The following SMC5 variants were observed in gnomAD, a reference collection of about 807,000 sequenced individuals.
SMC5 encodes structural maintenance of chromosomes protein 5.
Under a neutral mutation model 148.3 loss-of-function variants are expected in SMC5, and 88 were observed. The observed-to-expected ratio is 0.59, with a 90% CI of 0.50 to 0.71. The LOEUF (loss-of-function observed/expected upper bound fraction) is 0.71. SMC5 is among the 30% of genes least tolerant of loss of function. The pLI is 0.00. For missense variants in SMC5, 1,142 were observed against 1,298.9 expected (o/e 0.88, Z 1.86); for synonymous variants, 421 against 432.8 (o/e 0.97, Z 0.34).
chr9:70,333,531 G>A (rs1250554752), intron 17 of SMC5, among the ~76,000 whole-genome samples: 1 of 151,936 alleles, frequency 6.6e-6, no homozygotes, highest in Non-Finnish European at 1.5e-5. Context: ...AGGAGTTTGA[G>A]ATCAGCCTGG....
At chr9:70,344,694 G>T (rs923009618) in intron 18 of SMC5, 1 of 151,916 alleles carries the variant, frequency 6.6e-6, no homozygotes, top group Non-Finnish European at 1.5e-5. Flanking sequence ...GAAAAAAGAG[G>T]TCTTATTTCC....
In SMC5 at chr9:70,288,851, G is replaced by T. The variant is rs186582650; in HGVS notation, c.1053+2580G>T. On this transcript the variant is annotated intron_variant, in intron 8 of 24. Coordinates refer to ENST00000361138, the MANE Select transcript of SMC5 (RefSeq NM_015110.4). The stretch of plus-strand genomic sequence containing the variant: ...AAAGAATTTTTTGAGACTTTTTTTT[G>T]GCTTTTATTGTGTGTTTGATTTTTG... Among the ~76,000 whole-genome samples, 5 of 151,388 alleles carry T rather than the reference G, an allele frequency of 3.3e-5. No homozygotes were observed. The East Asian group carries it at 9.7e-4, about 29-fold the overall frequency.
chr9:70,336,702 G>C (rs905527555), intron 17 of SMC5, among the ~76,000 whole-genome samples: 2 of 152,164 alleles, frequency 1.3e-5, no homozygotes, highest in Non-Finnish European at 2.9e-5. Flanking sequence ...TTACTTCATT[G>C]ATTGAGCTTA....
chr9:70,300,716 A>G (rs1248741044), intron 10 of SMC5, among the ~76,000 whole-genome samples: 1 of 152,162 alleles, frequency 6.6e-6, no homozygotes, highest in Non-Finnish European at 1.5e-5. Flanking sequence ...AGGTGAAGCT[A>G]TATTTAATAA....
intron 2 of SMC5, among the ~76,000 whole-genome samples, chr9:70,267,494 A>G (rs569505841): frequency 3.9e-5 from 6 of 152,310 alleles, no homozygotes; most frequent in African/African-American, 1.4e-4. Context: ...GACTGTAGGA[A>G]GTCTTCAATG....
intron 12 of SMC5, among the ~76,000 whole-genome samples, chr9:70,315,146 G>A (rs2035761919): frequency 6.6e-6 from 1 of 151,852 alleles, no homozygotes; most frequent in African/African-American, 2.4e-5. Flanking sequence ...AGGACTAAAT[G>A]TAAAAAATGT....
intron 3 of SMC5, among the ~76,000 whole-genome samples, chr9:70,276,151 G>A (rs1468269596): frequency 6.6e-6 from 1 of 152,216 alleles, no homozygotes; most frequent in African/African-American, 2.4e-5. Flanking sequence ...CTCAGCTTGT[G>A]GTGGTAGCAG....
At chr9:70,340,656 A>T (rs2036496997) in intron 17 of SMC5, among the ~76,000 whole-genome samples, 1 of 152,126 alleles carries the variant, frequency 6.6e-6, no homozygotes, top group African/African-American at 2.4e-5. Flanking sequence ...AATTTTATTC[A>T]TATAGAAAAT....
At chr9:70,293,634 A>G (rs1457030583) in intron 8 of SMC5, among the ~76,000 whole-genome samples, 2 of 151,766 alleles carry the variant, frequency 1.3e-5, no homozygotes, top group Non-Finnish European at 2.9e-5. Flanking sequence ...GATATGTGCT[A>G]TTTTTGTTTT....
chr9:70,326,121 T>A (rs2036069677), intron 17 of SMC5, among the ~76,000 whole-genome samples: 1 of 152,158 alleles, frequency 6.6e-6, no homozygotes, highest in African/African-American at 2.4e-5. Context: ...ATGGATATAA[T>A]TCACCTATGA....
intron 7 of SMC5, among the ~76,000 whole-genome samples, chr9:70,283,573 G>A (rs987322210): frequency 6.6e-5 from 10 of 152,048 alleles, no homozygotes; most frequent in East Asian, 5.8e-4. Flanking sequence ...TTAGACCAGC[G>A]GAATTTATGC....
intron 15 of SMC5, 45 bp downstream of exon 15, chr9:70,319,008 G>A: frequency 6.7e-7 from 1 of 1,496,372 alleles, no homozygotes; most frequent in Non-Finnish European, 9.0e-7. Context: ...ATTACTGTAT[G>A]GGAGAATATT....
At chr9:70,337,772 A>T (rs73456638) in intron 17 of SMC5, among the ~76,000 whole-genome samples, 1,800 of 152,002 alleles carry the variant, frequency 0.012, 26 homozygotes, top group African/African-American at 0.04. Context: ...TACTGTTTTG[A>T]GTAGAGCTGA....
At chr9:70,267,379 A>G (rs955647398) in intron 2 of SMC5, among the ~76,000 whole-genome samples, 2 of 152,172 alleles carry the variant, frequency 1.3e-5, no homozygotes, top group African/African-American at 4.8e-5. Context: ...CTGCTTTATC[A>G]TGTAAATTTC....
chr9:70,298,861 T>TG (rs779044414), intron 9 of SMC5, among the ~76,000 whole-genome samples: 3 of 151,868 alleles, frequency 2.0e-5, no homozygotes, highest in Non-Finnish European at 4.4e-5. Context: ...TCCTTCCATA[T>TG]ATATCATATT....
At chr9:70,284,601 T>G (rs1366860007) in intron 7 of SMC5, among the ~76,000 whole-genome samples, 1 of 152,208 alleles carries the variant, frequency 6.6e-6, no homozygotes, top group Non-Finnish European at 1.5e-5. Flanking sequence ...ATTTAACCCT[T>G]TGTTTTGTCT....
intron 1 of SMC5, among the ~76,000 whole-genome samples, chr9:70,262,625 C>G (rs569787062): frequency 2.0e-5 from 3 of 152,304 alleles, no homozygotes; most frequent in African/African-American, 7.2e-5. Flanking sequence ...TTTAAGATGA[C>G]TGTTATGGGA....
Position 70,315,597 on chromosome 9 carries a change from A to G in SMC5, c.1806+19A>G, listed in dbSNP as rs1193703572. ...TGAACGGGTAGGAAAGTAGTGAATC[A>G]TGTACTGAATCATGTACCAAAAATG... On this transcript the variant is annotated intron_variant, in intron 13 of 24. Coordinates refer to ENST00000361138, the MANE Select transcript of SMC5 (RefSeq NM_015110.4). 1 of 1,489,092 alleles carries G rather than the reference A, an allele frequency of 6.7e-7. No individual in the cohort carries two copies. Among genetic ancestry groups the G allele is most frequent in the Non-Finnish European group, 9.0e-7 (1 of 1,113,842 alleles). 92.2% of individuals were successfully genotyped at this position (1,489,092 alleles called of 1,614,324 possible).
chr9:70,320,668 G>A (rs71503698), intron 15 of SMC5, among the ~76,000 whole-genome samples: 1 of 152,044 alleles, frequency 6.6e-6, no homozygotes, highest in Non-Finnish European at 1.5e-5. Context: ...GGAATCCTTA[G>A]GGAGTCCTGC....
Sources: allele counts gnomAD v4.1 joint callset (sites outside exome capture counted in the v4.1 genomes callset), GRCh38; gene constraint gnomAD v4.1.1; transcripts MANE v1.5; gene names NCBI Gene and HGNC (gene_info 2026-07-23, HGNC 2026-07-21).